RANBP2: variants seen among roughly 807,000 people sequenced by gnomAD.
The protein encoded by RANBP2 is E3 SUMO-protein ligase RanBP2.
In RANBP2, 57 loss-of-function variants were observed where a neutral mutation model predicts 303.6. That is an observed-to-expected ratio of 0.19 (90% confidence interval 0.15 to 0.23). The LOEUF (loss-of-function observed/expected upper bound fraction) is 0.23, where lower values mean the gene tolerates loss of function less well. Ranked by LOEUF, RANBP2 falls within the 10% of genes least tolerant of loss-of-function variation. The pLI is 1.00. For missense variants in RANBP2, 3,138 were observed against 3,780.8 expected, an observed-to-expected ratio of 0.83 and a Z score of 4.46; for synonymous variants, 1,167 against 1,301.5, an observed-to-expected ratio of 0.90 and a Z score of 2.23.
chr2:108,933,646 T>C, the RANBP2 span, among the ~76,000 whole-genome samples: 14 of 152,174 alleles, frequency 9.2e-5, no homozygotes, highest in African/African-American at 3.1e-4. Context: ...TAGTGTTGCA[T>C]TTACCGTTTG....
At chr2:109,146,721 A>G in the RANBP2 span, among the ~76,000 whole-genome samples, 1 of 152,020 alleles carries the variant, frequency 6.6e-6, no homozygotes, top group Admixed American at 6.6e-5. Context: ...GGCCCCATAG[A>G]GTCTACATCT....
chr2:109,045,742 G>A, the RANBP2 span, among the ~76,000 whole-genome samples: 28 of 152,142 alleles, frequency 1.8e-4, no homozygotes, highest in South Asian at 1.7e-3. Context: ...TTACCTTGGC[G>A]GAAAGAGGGG....
the RANBP2 span, among the ~76,000 whole-genome samples, chr2:109,024,018 C>T: frequency 6.6e-6 from 1 of 152,048 alleles, no homozygotes; most frequent in African/African-American, 2.4e-5. Flanking sequence ...CTCCACCTCC[C>T]GGGTTGAAGC....
At chr2:109,496,446 C>T in the RANBP2 span, among the ~76,000 whole-genome samples, 3 of 152,218 alleles carry the variant, frequency 2.0e-5, no homozygotes, top group Non-Finnish European at 2.9e-5. Flanking sequence ...AGTCCCCACT[C>T]GACCCAGGAA....
At chr2:109,561,067 T>A in the RANBP2 span, among the ~76,000 whole-genome samples, 726 of 150,852 alleles carry the variant, frequency 4.8e-3, 5 homozygotes, top group Non-Finnish European at 5.6e-3. Flanking sequence ...TAGCGTTGCC[T>A]TCCCCTTAGG....
the RANBP2 span, among the ~76,000 whole-genome samples, chr2:109,029,288 T>A: frequency 6.6e-6 from 1 of 152,084 alleles, no homozygotes. Context: ...TGGCCGCAGC[T>A]GCTGGGTTCT....
the RANBP2 span, chr2:109,432,680 A>G: frequency 6.2e-7 from 1 of 1,608,050 alleles, no homozygotes; most frequent in Non-Finnish European, 8.5e-7. Context: ...AGGTGAGGGC[A>G]TGGTGGTGGC....
chr2:109,496,234 T>A, the RANBP2 span, among the ~76,000 whole-genome samples: 1 of 152,042 alleles, frequency 6.6e-6, no homozygotes, highest in Non-Finnish European at 1.5e-5. Context: ...GATTGGCGCG[T>A]TTTACAGAGC....
chr2:108,791,746 A>G, the RANBP2 span: 92 of 1,605,872 alleles, frequency 5.7e-5, 1 homozygote, highest in Middle Eastern at 5.0e-4. Context: ...ATTGAAAATG[A>G]TTATAGAGTT....
chr2:109,277,805 A>T, the RANBP2 span, among the ~76,000 whole-genome samples: 2 of 152,198 alleles, frequency 1.3e-5, no homozygotes, highest in Non-Finnish European at 1.5e-5. Context: ...TATACCTGGC[A>T]GTCTTACCTC....
At chr2:109,210,734 C>T in the RANBP2 span, among the ~76,000 whole-genome samples, 7 of 152,066 alleles carry the variant, frequency 4.6e-5, no homozygotes, top group African/African-American at 1.7e-4. Context: ...TGGGTGTAGG[C>T]AGGGAGGAAA....
intron 23 of RANBP2, among the ~76,000 whole-genome samples, chr2:108,774,643 A>G (rs1214714257): frequency 2.0e-5 from 3 of 150,312 alleles, no homozygotes; most frequent in South Asian, 2.1e-4. Flanking sequence ...AAAAAACACT[A>G]TTGATTTCTC....
the RANBP2 span, among the ~76,000 whole-genome samples, chr2:109,276,673 T>G: frequency 1.3e-5 from 2 of 152,214 alleles, no homozygotes; most frequent in Non-Finnish European, 2.9e-5. Context: ...CAGACAAATA[T>G]TCTAAGTCAG....
chr2:108,897,133 C>T, the RANBP2 span: 1 of 1,613,958 alleles, frequency 6.2e-7, no homozygotes, highest in Non-Finnish European at 8.5e-7. Flanking sequence ...GAGGTGGCGC[C>T]ACGTTTTCAC....
At chr2:109,339,612 G>C in the RANBP2 span, among the ~76,000 whole-genome samples, 1 of 152,158 alleles carries the variant, frequency 6.6e-6, no homozygotes, top group African/African-American at 2.4e-5. Flanking sequence ...AGGGGTTGCC[G>C]GTAGCGAGGC....
the RANBP2 span, among the ~76,000 whole-genome samples, chr2:108,929,846 T>TGAC: frequency 1.3e-5 from 2 of 152,232 alleles, no homozygotes; most frequent in African/African-American, 4.8e-5. Flanking sequence ...TCAGATGATC[T>TGAC]GACGCTCATT....
the RANBP2 span, among the ~76,000 whole-genome samples, chr2:109,542,441 C>A: frequency 9.5e-3 from 1,447 of 152,294 alleles, 65 homozygotes; most frequent in East Asian, 0.12. Context: ...GTTTACCATT[C>A]CAACAACCTA....
chr2:108,866,752 G>A, the RANBP2 span, among the ~76,000 whole-genome samples: 5 of 151,958 alleles, frequency 3.3e-5, no homozygotes, highest in African/African-American at 4.8e-5. Flanking sequence ...ACGCGGTGAC[G>A]GGTGCCTATA....
chr2:109,250,926 A>G, the RANBP2 span, among the ~76,000 whole-genome samples: 1 of 152,152 alleles, frequency 6.6e-6, no homozygotes, highest in African/African-American at 2.4e-5. Context: ...TTATCTTTTT[A>G]AATTTCTAAA....
Sources: allele counts gnomAD v4.1 joint callset (sites outside exome capture counted in the v4.1 genomes callset), GRCh38; gene constraint gnomAD v4.1.1; transcripts MANE v1.5; gene names NCBI Gene and HGNC (gene_info 2026-07-23, HGNC 2026-07-21).